Variants in DST observed in about 807,000 individuals in gnomAD.
The protein encoded by DST is bullous pemphigoid antigen.
DST carries 253 observed loss-of-function variants against 875.2 expected under a neutral mutation model. The observed-to-expected ratio is 0.29, with a 90% CI of 0.26 to 0.32. The LOEUF is 0.32. Ranked by LOEUF, DST falls within the 10% of genes least tolerant of loss-of-function variation. The pLI is 1.00. For missense variants in DST, 8,287 were observed against 9,111.6 expected (o/e 0.91, Z 3.68); for synonymous variants, 3,124 against 3,197.1 (o/e 0.98, Z 0.77).
chr6:56,639,652 A>G (rs1179490076), intron 20 of DST, 41 bp from the exon 21 acceptor site: 1 of 1,613,396 alleles, frequency 6.2e-7, no homozygotes, highest in Non-Finnish European at 8.5e-7. Flanking sequence ...TGTTTTTGCC[A>G]AATATAGATA....
rs1217822191 is a variant in DST at position 56,482,883 on chromosome 6, A to G, written c.21208-6T>C. On this transcript the variant is annotated splice_region_variant and splice_polypyrimidine_tract_variant and intron_variant, in intron 88 of 103. Coordinates refer to ENST00000680361, the MANE Select transcript of DST (RefSeq NM_001374736.1). ...CCCAACTCTTTTTGGAAGGCCTAAGAAGACCATATTTTGAAAAATTAATTT... is the reference window on the plus strand; with the variant it reads ...CCCAACTCTTTTTGGAAGGCCTAAGGAGACCATATTTTGAAAAATTAATTT... The G allele has an allele frequency of 6.7e-7, 1 of 1,490,522 alleles. No homozygotes were observed. The highest frequency in any genetic ancestry group is 8.9e-7 in the Non-Finnish European group (1 of 1,117,864). The allele number at this position is 1,490,522 out of a possible 1,614,324, so 92.3% of individuals were successfully genotyped here.
At chr6:56,474,133 C>G in intron 92 of DST, 131 bp from the exon 93 acceptor site, 1 of 778,334 alleles carries the variant, frequency 1.3e-6, no homozygotes, top group Non-Finnish European at 2.0e-6. Flanking sequence ...TATGCTTTAT[C>G]TTTAGGGTAA....
chr6:56,617,749 A>G (rs2098641727), intron 36 of DST, among the ~76,000 whole-genome samples: 1 of 152,240 alleles, frequency 6.6e-6, no homozygotes, highest in African/African-American at 2.4e-5. Context: ...CTCCACAGAT[A>G]TAACAGTATA....
At chr6:56,898,317 A>C (rs1393170920) in intron 3 of DST, among the ~76,000 whole-genome samples, 1 of 152,244 alleles carries the variant, frequency 6.6e-6, no homozygotes, top group Admixed American at 6.5e-5. Flanking sequence ...ACAAAGAATA[A>C]GGAAAAACAT....
chr6:56,906,908 G>T (rs755080737), intron 2 of DST, among the ~76,000 whole-genome samples: 2 of 152,152 alleles, frequency 1.3e-5, no homozygotes, highest in Admixed American at 1.3e-4. Flanking sequence ...CCTAACAGAT[G>T]TGAGGTGATA....
At chr6:56,595,734 T>A (rs1034998885) in intron 47 of DST, among the ~76,000 whole-genome samples, 3 of 151,554 alleles carry the variant, frequency 2.0e-5, no homozygotes, top group Non-Finnish European at 4.4e-5. Flanking sequence ...CTAACTTCTT[T>A]CCCACAGACT....
chr6:56,874,868 T>C (rs1409035125), intron 3 of DST, among the ~76,000 whole-genome samples: 2 of 152,168 alleles, frequency 1.3e-5, no homozygotes, highest in Non-Finnish European at 2.9e-5. Flanking sequence ...CTAAACAAGG[T>C]CATATTAAAG....
chr6:56,618,943 G>A lies in DST; in HGVS notation c.4930-4459C>T, dbSNP rs144113067. On this transcript the variant is annotated intron_variant, in intron 36 of 103. Coordinates refer to ENST00000680361, the MANE Select transcript of DST (RefSeq NM_001374736.1). ...GTTGTAGCTGAACTTTCTGCTCCCC[G>A]CGTCGCTTCTCTTCTTTGGAAGCAT... is the stretch of plus-strand genomic sequence containing the variant. The A allele has an allele frequency of 6.4e-5, 103 of 1,614,064 alleles. No individual in the cohort carries two copies. The African/African-American group carries it at 1.1e-3, about 17-fold the overall frequency.
chr6:56,918,119 A>ATTCTTTTTTTT (rs549882372), intron 2 of DST, among the ~76,000 whole-genome samples: 1,856 of 145,820 alleles, frequency 0.013, 42 homozygotes, highest in African/African-American at 0.045. Flanking sequence ...TCAGGTGTAC[A>ATTCTTTTTTTT]TTCTTTTTTT....
intron 1 of DST, 88 bp downstream of exon 1, chr6:56,954,319 G>A (rs1462547973): frequency 2.8e-5 from 29 of 1,043,892 alleles, no homozygotes; most frequent in Non-Finnish European, 3.5e-5. Context: ...AGGGGCAGCC[G>A]AGGAGAAGGG....
intron 4 of DST, among the ~76,000 whole-genome samples, chr6:56,789,316 A>T (rs1162189668): frequency 6.6e-6 from 1 of 152,226 alleles, no homozygotes; most frequent in Non-Finnish European, 1.5e-5. Context: ...CCTGGGCAAC[A>T]CAGTGAAACC....
Position 56,555,544 on chromosome 6 carries a change from G to A in DST, c.14937C>T (p.His4979=), listed in dbSNP as rs773501882. 2 of 1,613,828 alleles carry A rather than the reference G, an allele frequency of 1.2e-6. No homozygotes were observed. The highest frequency in any genetic ancestry group is 1.7e-5 in the Admixed American group (1 of 59,994). Reference sequence around the variant, plus strand: ...CCAACTGTTGGTTCATAGCATCAGGGTGCGTGCTCACAGCCAGACTGCTGC... The same window carrying A: ...CCAACTGTTGGTTCATAGCATCAGGATGCGTGCTCACAGCCAGACTGCTGC... ...KLSSSLAVST[H]PDAMNQQLET... is the part of the protein sequence containing the mutation. Residue 4979 remains histidine, a synonymous_variant, in exon 60 of 104, where the codon CAC becomes CAT. Coordinates refer to ENST00000680361, the MANE Select transcript of DST (RefSeq NM_001374736.1).
intron 82 of DST, among the ~76,000 whole-genome samples, chr6:56,496,100 A>T (rs1386383451): frequency 2.0e-5 from 3 of 152,192 alleles, no homozygotes; most frequent in African/African-American, 7.2e-5. Flanking sequence ...TGAATATTTT[A>T]AAAAATTTCT....
Position 56,607,728 on chromosome 6 carries a change from T to C in DST, c.6900A>G (p.Ile2300Met). ...TTCTCATTTCATTAAATTCTTCATC[T>C]ATAGCACACTTTCTATTTTCAGGAG... ...EETPENRKCAIDEEFNEMRNT... is the reference protein window; with the variant it reads ...EETPENRKCAMDEEFNEMRNT... The change falls in exon 40 of 104, where the codon ATA becomes ATG. Residue 2300 changes from isoleucine (I) to methionine (M), a missense_variant. By Grantham distance (10) the Ile-to-Met change is conservative (BLOSUM62 1). Transcript: ENST00000680361. 1.2e-6 allele frequency: 2 copies of C among 1,613,548 alleles called. No individual in the cohort carries two copies. Among genetic ancestry groups the C allele is most frequent in the Non-Finnish European group, 8.5e-7 (1 of 1,179,712 alleles).
At chr6:56,872,400 T>C (rs756344259) in intron 3 of DST, among the ~76,000 whole-genome samples, 1 of 152,134 alleles carries the variant, frequency 6.6e-6, no homozygotes, top group Non-Finnish European at 1.5e-5. Flanking sequence ...CTCATACCTG[T>C]AGTCACAGCT....
At chr6:56,724,674 G>A (rs2099439888) in intron 5 of DST, among the ~76,000 whole-genome samples, 1 of 152,106 alleles carries the variant, frequency 6.6e-6, no homozygotes, top group Admixed American at 6.5e-5. Flanking sequence ...TCATATCCAT[G>A]TGAAGGGGGA....
chr6:56,908,070 A>T (rs962928589), intron 2 of DST, among the ~76,000 whole-genome samples: 3 of 148,582 alleles, frequency 2.0e-5, no homozygotes, highest in African/African-American at 7.8e-5. Context: ...CTTCGTCAAA[A>T]CAAAAAAAGA....
At chr6:56,907,780 C>A (rs1333750240) in intron 2 of DST, among the ~76,000 whole-genome samples, 3 of 152,112 alleles carry the variant, frequency 2.0e-5, no homozygotes, top group Admixed American at 2.0e-4. Flanking sequence ...TTTAGGTAAG[C>A]ATTATTGTTT....
chr6:56,943,812 T>C (rs1048822041), intron 2 of DST, among the ~76,000 whole-genome samples: 3 of 151,932 alleles, frequency 2.0e-5, no homozygotes. Flanking sequence ...AAGGTATAAC[T>C]ATATGTCTAA....
Sources: allele counts gnomAD v4.1 joint callset (sites outside exome capture counted in the v4.1 genomes callset), GRCh38; gene constraint gnomAD v4.1.1; transcripts MANE v1.5; gene names NCBI Gene and HGNC (gene_info 2026-07-23, HGNC 2026-07-21).